The following PHACTR3 variants were observed in gnomAD, a reference collection of about 807,000 sequenced individuals.
PHACTR3 encodes the protein phosphatase and actin regulator 3, also known as protein phosphatase 1, regulatory subunit 123.
A neutral mutation model predicts 66.8 loss-of-function variants in PHACTR3; 16 were observed. That is an observed-to-expected ratio of 0.24 (90% CI 0.16 to 0.36). PHACTR3 has a LOEUF of 0.36. PHACTR3 is among the 10% of genes least tolerant of loss of function. PHACTR3 has a pLI of 1.00. For synonymous variants in PHACTR3, 323 were observed against 292.1 expected (o/e 1.11, Z -1.08); for missense variants, 647 against 719.9 (o/e 0.90, Z 1.16).
chr20:59,797,381 G>A (rs2041280337), intron 7 of PHACTR3, among the ~76,000 whole-genome samples: 1 of 150,872 alleles, frequency 6.6e-6, no homozygotes, highest in Non-Finnish European at 1.5e-5. Context: ...TTTTTTTTTG[G>A]CAGCATCATG....
chr20:59,726,967 A>G (rs1488313919), intron 1 of PHACTR3, among the ~76,000 whole-genome samples: 1 of 152,174 alleles, frequency 6.6e-6, no homozygotes, highest in Admixed American at 6.5e-5. Flanking sequence ...TTAAATAACC[A>G]AAGAGTACAG....
intron 4 of PHACTR3, among the ~76,000 whole-genome samples, chr20:59,757,403 C>T (rs1311654061): frequency 1.3e-5 from 2 of 152,216 alleles, no homozygotes; most frequent in Admixed American, 1.3e-4. Context: ...GGACCCTCTC[C>T]TGAGTGAGGC....
intron 1 of PHACTR3, among the ~76,000 whole-genome samples, chr20:59,675,946 G>A (rs1422786119): frequency 2.6e-5 from 4 of 152,236 alleles, no homozygotes; most frequent in African/African-American, 9.6e-5. Context: ...ACCTGGGCCT[G>A]GGCCTGGGCC....
intron 8 of PHACTR3, among the ~76,000 whole-genome samples, chr20:59,815,362 TCAGCCAAAAGAAATG>T (rs1241890764): frequency 2.0e-5 from 3 of 151,572 alleles, no homozygotes; most frequent in Admixed American, 6.6e-5. Context: ...CTGGGCATCT[TCAGCCAAAAGAAATG>T]CAGTTGTGGC....
chr20:59,587,003 A>G (rs569544216), intron 1 of PHACTR3, among the ~76,000 whole-genome samples: 6 of 152,216 alleles, frequency 3.9e-5, no homozygotes, highest in African/African-American at 4.8e-5. Context: ...CAGCAGGTCA[A>G]TGCTTGTTGT....
intron 1 of PHACTR3, among the ~76,000 whole-genome samples, chr20:59,716,166 A>G (rs934444673): frequency 2.7e-5 from 4 of 150,476 alleles, no homozygotes; most frequent in Non-Finnish European, 5.9e-5. Flanking sequence ...ACCTTCAGCA[A>G]TGAGGTTCCC....
chr20:59,632,987 A>G (rs2034720557), intron 1 of PHACTR3, among the ~76,000 whole-genome samples: 1 of 152,070 alleles, frequency 6.6e-6, no homozygotes, highest in Admixed American at 6.6e-5. Context: ...TTGCTTTTGC[A>G]CTTCCGTCCC....
At chr20:59,806,324 C>G in intron 8 of PHACTR3, 130 bp downstream of exon 8, 1 of 1,212,332 alleles carries the variant, frequency 8.2e-7, no homozygotes, top group African/African-American at 1.5e-5. Context: ...GTCTCTTGAC[C>G]CCGCCACCGT....
intron 1 of PHACTR3, among the ~76,000 whole-genome samples, chr20:59,685,834 A>G (rs539034972): frequency 2.6e-5 from 4 of 152,256 alleles, no homozygotes; most frequent in East Asian, 3.9e-4. Context: ...GCCTGATTGT[A>G]TCTGCCAGTG....
At position 59,699,980 on chromosome 20, in the gene PHACTR3, G is replaced by A. The variant is rs139902489; in HGVS notation, c.119-43127G>A. 2.0e-4 allele frequency among the ~76,000 whole-genome samples: 31 copies of A among 152,320 alleles called. No homozygotes were observed. The East Asian group carries it at 5.4e-3, about 27-fold the overall frequency. ...CGTCAAGGAAAAGAAGATGAGAGAA[G>A]AGAAGGGAAAAGTTAAGTTTGCATA... On this transcript the variant is annotated intron_variant, in intron 1 of 12. Transcript: ENST00000371015.
rs552180227 is a variant in PHACTR3 at position 59,708,942 on chromosome 20, G to T, written c.119-34165G>T. On this transcript the variant is annotated intron_variant, in intron 1 of 12. Transcript: ENST00000371015. ...GAAAGAGAGTTCCTTCATTGAGCTG[G>T]TTTGGCTCCATGGGACTACCTTCCA... 2.6e-5 allele frequency among the ~76,000 whole-genome samples: 4 copies of T among 152,258 alleles called. No homozygotes were observed. In the East Asian group the frequency reaches 5.8e-4, roughly 22 times the overall value.
intron 1 of PHACTR3, among the ~76,000 whole-genome samples, chr20:59,675,951 TGGGCCC>T (rs763639028): frequency 2.0e-5 from 3 of 152,238 alleles, no homozygotes; most frequent in Non-Finnish European, 2.9e-5. Context: ...GGCCTGGGCC[TGGGCCC>T]GGAATAAAAG....
intron 8 of PHACTR3, among the ~76,000 whole-genome samples, chr20:59,825,543 T>A (rs2042165610): frequency 1.3e-5 from 2 of 152,182 alleles, no homozygotes; most frequent in Non-Finnish European, 1.5e-5. Flanking sequence ...CTGATGCAGT[T>A]CTTACCATTG....
intron 1 of PHACTR3, among the ~76,000 whole-genome samples, chr20:59,655,538 C>G (rs964315763): frequency 6.6e-6 from 1 of 151,820 alleles, no homozygotes; most frequent in African/African-American, 2.4e-5. Context: ...TGAGTCTTCT[C>G]TCTCTCTTCT....
rs80206546 is a variant in PHACTR3, at chr20:59,779,338, A to G, written c.1174+4848A>G. Among the ~76,000 whole-genome samples, 1,284 of 152,374 alleles carry G rather than the reference A, an allele frequency of 8.4e-3. 9 individuals are homozygous for G. The highest frequency in any genetic ancestry group is 0.013 in the Non-Finnish European group (900 of 68,040). ...AAAATTCAATATTGGTCATACAGAA[A>G]GTATATAAATGTTGCTTTTTGGGGG... is the stretch of plus-strand genomic sequence containing the variant. On this transcript the variant is annotated intron_variant, in intron 7 of 12. Coordinates refer to ENST00000371015, the MANE Select transcript of PHACTR3 (RefSeq NM_080672.5).
intron 1 of PHACTR3, among the ~76,000 whole-genome samples, chr20:59,723,070 CTT>C (rs1168860456): frequency 2.5e-5 from 3 of 120,230 alleles, no homozygotes; most frequent in African/African-American, 1.1e-4. Flanking sequence ...CTCTTTCTTT[CTT>C]TCTTTCTTTC....
chr20:59,799,956 C>G (rs2041365181), intron 7 of PHACTR3, among the ~76,000 whole-genome samples: 2 of 151,998 alleles, frequency 1.3e-5, no homozygotes, highest in East Asian at 3.9e-4. Context: ...AGCTATATAC[C>G]TCTTTGACTA....
In PHACTR3 at chr20:59,699,759, C is replaced by T. The variant is rs188816954; in HGVS notation, c.119-43348C>T. Among the ~76,000 whole-genome samples, 15 of 152,116 alleles carry T rather than the reference C, an allele frequency of 9.9e-5. No individual in the cohort carries two copies. In the East Asian group the frequency reaches 2.3e-3, roughly 24 times the overall value. On this transcript the variant is annotated intron_variant, in intron 1 of 12. Transcript: ENST00000371015. ...TGGGTGGATCATGAGGTCAAGAGATCGAGACCAGCCTGGCCAACATGGTGA... is the reference window on the plus strand; with the variant it reads ...TGGGTGGATCATGAGGTCAAGAGATTGAGACCAGCCTGGCCAACATGGTGA...
intron 1 of PHACTR3, among the ~76,000 whole-genome samples, chr20:59,682,068 G>A (rs575989708): frequency 2.2e-4 from 34 of 152,028 alleles, no homozygotes; most frequent in South Asian, 6.2e-4. Context: ...GGCTGGACGC[G>A]GTGGCTCATG....
Sources: allele counts gnomAD v4.1 joint callset (sites outside exome capture counted in the v4.1 genomes callset), GRCh38; gene constraint gnomAD v4.1.1; transcripts MANE v1.5; gene names NCBI Gene and HGNC (gene_info 2026-07-23, HGNC 2026-07-21).